Variants in MAST4 observed in about 807,000 individuals in gnomAD.
MAST4 encodes the protein microtubule-associated serine/threonine-protein kinase 4.
MAST4 carries 89 observed loss-of-function variants against 162.7 expected under a neutral mutation model. The ratio of observed to expected loss-of-function variants is 0.55; its 90% CI spans 0.46 to 0.65. The LOEUF is 0.65. MAST4 is among the 30% of genes least tolerant of loss of function. The pLI, the probability that MAST4 is intolerant of heterozygous loss-of-function variation, is 0.00. For synonymous variants in MAST4, 1,479 were observed against 1,361.1 expected, an observed-to-expected ratio of 1.09 and a Z score of -1.91; for missense variants, 3,153 against 3,374.0, an observed-to-expected ratio of 0.93 and a Z score of 1.62.
chr5:66,996,927 T>C (rs947830208), intron 4 of MAST4, among the ~76,000 whole-genome samples: 1 of 152,248 alleles, frequency 6.6e-6, no homozygotes. Context: ...TGGAATCTAT[T>C]ATTCAGCCTA....
intron 3 of MAST4, among the ~76,000 whole-genome samples, chr5:66,799,547 T>C (rs1457860731): frequency 2.6e-5 from 4 of 152,206 alleles, no homozygotes; most frequent in Admixed American, 2.0e-4. Context: ...CATGGACTTA[T>C]ATTTGGTTGT....
intron 6 of MAST4, 129 bp downstream of exon 6, chr5:67,090,360 CCCCCACTTCCCCTTCT>C: frequency 2.5e-6 from 1 of 407,764 alleles, no homozygotes; most frequent in South Asian, 2.1e-5. Flanking sequence ...CTTCCCCTTC[CCCCCACTTCCCCTTCT>C]GCCCCTCCCC....
chr5:67,020,723 A>G lies in MAST4; in HGVS notation c.675-33681A>G, dbSNP rs553876975. 4.8e-4 allele frequency among the ~76,000 whole-genome samples: 73 copies of G among 152,344 alleles called. No individual in the cohort carries two copies. The South Asian group carries it at 0.015, about 30-fold the overall frequency. On this transcript the variant is annotated intron_variant, in intron 4 of 28. Transcript: ENST00000403625. The stretch of plus-strand genomic sequence containing the variant: ...GTGACCTTGGCAGGCCATCTCACCT[A>G]TGATACTTGGTTTCCTCATCTTTCA...
chr5:66,975,840 C>G (rs922476440), intron 4 of MAST4, among the ~76,000 whole-genome samples: 1 of 152,064 alleles, frequency 6.6e-6, no homozygotes, highest in African/African-American at 2.4e-5. Context: ...ACTAAAAATA[C>G]AAAAATTAGC....
At chr5:67,097,757 C>G (rs1382768408) in intron 7 of MAST4, among the ~76,000 whole-genome samples, 4 of 152,098 alleles carry the variant, frequency 2.6e-5, no homozygotes, top group African/African-American at 9.7e-5. Flanking sequence ...GAAATTTTAG[C>G]TTCCAGAATT....
intron 14 of MAST4, among the ~76,000 whole-genome samples, chr5:67,127,375 A>T (rs1001587631): frequency 1.3e-5 from 2 of 152,144 alleles, no homozygotes; most frequent in African/African-American, 4.8e-5. Flanking sequence ...TGGGTTTGTC[A>T]TAAATAGCTC....
intron 3 of MAST4, among the ~76,000 whole-genome samples, chr5:66,807,537 G>A (rs967756540): frequency 1.3e-5 from 2 of 151,856 alleles, no homozygotes; most frequent in African/African-American, 4.8e-5. Context: ...AAATTATTAC[G>A]GACTGTAGTC....
At chr5:67,035,388 T>C (rs1226465653) in intron 4 of MAST4, among the ~76,000 whole-genome samples, 3 of 152,190 alleles carry the variant, frequency 2.0e-5, no homozygotes, top group African/African-American at 4.8e-5. Flanking sequence ...AGTATATTGA[T>C]AATTTCCTGA....
intron 4 of MAST4, among the ~76,000 whole-genome samples, chr5:66,938,839 C>T (rs1021821637): frequency 6.6e-6 from 1 of 152,170 alleles, no homozygotes; most frequent in Non-Finnish European, 1.5e-5. Context: ...TAAACAGATA[C>T]AACTGGCAGG....
At chr5:66,992,221 A>T (rs990770120) in intron 4 of MAST4, among the ~76,000 whole-genome samples, 1 of 152,182 alleles carries the variant, frequency 6.6e-6, no homozygotes, top group Non-Finnish European at 1.5e-5. Context: ...CTGCTATATA[A>T]TCTTCATAAT....
At chr5:67,038,184 A>T (rs1188039172) in intron 4 of MAST4, among the ~76,000 whole-genome samples, 3 of 151,628 alleles carry the variant, frequency 2.0e-5, no homozygotes, top group African/African-American at 7.3e-5. Flanking sequence ...AACAGTTGCA[A>T]TTCTAGTTTA....
chr5:66,895,651 T>C (rs879876703), intron 3 of MAST4, among the ~76,000 whole-genome samples: 8 of 152,170 alleles, frequency 5.3e-5, no homozygotes, highest in Non-Finnish European at 1.2e-4. Flanking sequence ...CTCCTTACCA[T>C]CTTCATTGCT....
chr5:66,825,015 T>C (rs148743743), intron 3 of MAST4, among the ~76,000 whole-genome samples: 17 of 152,296 alleles, frequency 1.1e-4, no homozygotes, highest in African/African-American at 2.2e-4. Flanking sequence ...TTACAAATAA[T>C]GTACACTTAG....
chr5:66,907,927 C>T (rs1272553200), intron 4 of MAST4, among the ~76,000 whole-genome samples: 1 of 152,108 alleles, frequency 6.6e-6, no homozygotes, highest in Non-Finnish European at 1.5e-5. Context: ...TTAGCATTTT[C>T]TGTCCTCCCA....
intron 1 of MAST4, among the ~76,000 whole-genome samples, chr5:66,604,243 A>T (rs1742735828): frequency 6.6e-6 from 1 of 152,190 alleles, no homozygotes; most frequent in Admixed American, 6.5e-5. Context: ...TGCTTATTTA[A>T]TGATTTGAAT....
intron 4 of MAST4, among the ~76,000 whole-genome samples, chr5:67,049,190 TTC>T (rs1757871659): frequency 6.6e-6 from 1 of 151,336 alleles, no homozygotes; most frequent in South Asian, 2.1e-4. Context: ...GTACATTTTG[TTC>T]TCTTTCTAGT....
rs201162191 is a variant in MAST4, at chr5:66,912,680, ATTAC to A, written c.674+12702_674+12705del. ...CCATCAAACACCTGGTTAAAAGCAT[ATTAC>A]TTAATTATTATCTTTGAGAATTCAG... On this transcript the variant is annotated intron_variant, in intron 4 of 28. Coordinates refer to ENST00000403625, the MANE Select transcript of MAST4 (RefSeq NM_001164664.2). Among the ~76,000 whole-genome samples the A allele has an allele frequency of 7.7e-3, 1,175 of 152,276 alleles. 14 individuals are homozygous for A. Among genetic ancestry groups the A allele is most frequent in the Admixed American group, 0.027 (414 of 15,294 alleles).
intron 4 of MAST4, among the ~76,000 whole-genome samples, chr5:67,052,635 T>G (rs1758331693): frequency 6.6e-6 from 1 of 152,128 alleles, no homozygotes; most frequent in Non-Finnish European, 1.5e-5. Context: ...AAGATATTCA[T>G]TAGATTATTT....
chr5:66,665,842 A>G (rs1036624435), intron 1 of MAST4, among the ~76,000 whole-genome samples: 3 of 152,218 alleles, frequency 2.0e-5, no homozygotes, highest in Non-Finnish European at 4.4e-5. Flanking sequence ...TGAGTATTGA[A>G]TGAGATAATA....
Sources: allele counts gnomAD v4.1 joint callset (sites outside exome capture counted in the v4.1 genomes callset), GRCh38; gene constraint gnomAD v4.1.1; transcripts MANE v1.5; gene names NCBI Gene and HGNC (gene_info 2026-07-23, HGNC 2026-07-21).